Variants in HSPA12A observed in about 807,000 individuals in gnomAD.
HSPA12A encodes the protein heat shock protein family A (Hsp70) member 12A, also known as heat shock 70 kDa protein 12A.
A neutral mutation model predicts 69.2 loss-of-function variants in HSPA12A; 28 were observed. The observed-to-expected ratio is 0.40, with a 90% CI of 0.30 to 0.55. The LOEUF (loss-of-function observed/expected upper bound fraction) is 0.55, where lower values mean the gene tolerates loss of function less well. Among genes scored for constraint, HSPA12A ranks in the 20% least tolerant of loss-of-function variants. The pLI is 0.38. For synonymous variants in HSPA12A, 345 were observed against 370.5 expected (o/e 0.93, Z 0.79); for missense variants, 686 against 900.7 (o/e 0.76, Z 3.05).
chr10:116,822,518 G>A lies in HSPA12A; in HGVS notation c.91+12417C>T, dbSNP rs190468140. Among the ~76,000 whole-genome samples the A allele has an allele frequency of 1.3e-4, 20 of 152,312 alleles. 1 individual carries two copies. The highest frequency in any genetic ancestry group is 8.3e-4 in the South Asian group (4 of 4,824). ...GATTAAGAGACCGGTAGAAATGAGG[G>A]AGATCAAGAGTTTATGAATTCAGTA... On this transcript the variant is annotated intron_variant, in intron 2 of 12. Transcript: ENST00000635765.
At chr10:116,711,459 T>C (rs1029158072) in intron 1 of HSPA12A, among the ~76,000 whole-genome samples, 2 of 152,116 alleles carry the variant, frequency 1.3e-5, no homozygotes, top group African/African-American at 4.8e-5. Context: ...AAGAAAATGC[T>C]CTATCAAGAA....
chr10:116,813,035 C>T (rs1365377359), intron 2 of HSPA12A, among the ~76,000 whole-genome samples: 1 of 152,064 alleles, frequency 6.6e-6, no homozygotes, highest in Non-Finnish European at 1.5e-5. Flanking sequence ...AGTTTCCAGC[C>T]ATCCTGAGAA....
chr10:116,689,940 T>G (rs1282084248), intron 6 of HSPA12A, among the ~76,000 whole-genome samples: 1 of 152,216 alleles, frequency 6.6e-6, no homozygotes, highest in Non-Finnish European at 1.5e-5. Context: ...GGAGGGCCAT[T>G]GCTTTGCTCA....
intron 4 of HSPA12A, among the ~76,000 whole-genome samples, chr10:116,700,020 C>G (rs1850036349): frequency 6.6e-6 from 1 of 152,224 alleles, no homozygotes; most frequent in South Asian, 2.1e-4. Context: ...CTGCACCAGG[C>G]ATGGCTCTAA....
chr10:116,675,241 A>C lies in HSPA12A; in HGVS notation c.1568T>G (p.Leu523Arg), dbSNP rs1333216452. ...GCGCACCTTGATGACCGCGGGGTCC[A>C]GGCCAAAGAGGACGGCACCCTTGAG... Reference protein sequence around the residue: ...TILKGAVLFGLDPAVIKVRRS... With the variant: ...TILKGAVLFGRDPAVIKVRRS... The change falls in exon 12 of 12, where the codon CTG (leucine) becomes CGG (arginine). Residue 523 changes from leucine (L) to arginine (R), a missense_variant. Leu to Arg is a moderately radical substitution (Grantham distance 102). Transcript: ENST00000369209. This position sits in a 1 kb window ranked among gnomAD's most constrained non-coding sequence, Gnocchi z 5.2. 1.2e-6 allele frequency: 2 copies of C among 1,613,710 alleles called. No homozygotes were observed. Among genetic ancestry groups the C allele is most frequent in the Non-Finnish European group, 1.7e-6 (2 of 1,180,028 alleles).
At chr10:116,771,547 G>C (rs1481945055) in intron 2 of HSPA12A, among the ~76,000 whole-genome samples, 1 of 152,226 alleles carries the variant, frequency 6.6e-6, no homozygotes, top group Non-Finnish European at 1.5e-5. Flanking sequence ...CATTTCCAGG[G>C]CCTAGACAGA....
In HSPA12A at chr10:116,675,502, A is replaced by G. The variant is rs2133353005; in HGVS notation, c.1391-84T>C. The G allele has an allele frequency of 7.0e-7, 1 of 1,428,886 alleles. No individual in the cohort carries two copies. The highest frequency in any genetic ancestry group is 2.5e-5 in the East Asian group (1 of 40,126). The allele number at this position is 1,428,886 out of a possible 1,614,324, so 88.5% of individuals were successfully genotyped here. A position where few individuals can be genotyped will look rare whatever the true frequency, so the allele number is the denominator to read the frequency against. On this transcript the variant is annotated intron_variant, in intron 11 of 11. Coordinates refer to ENST00000369209, the MANE Select transcript of HSPA12A (RefSeq NM_025015.3). This position sits in a 1 kb window ranked among gnomAD's most constrained non-coding sequence, Gnocchi z 5.2. Reference sequence around the variant, plus strand: ...ACTGGGCTGCCTGCATCTGTGGGGAACGGATAAAGCCACTTGGGCCACTGG... The same window carrying G: ...ACTGGGCTGCCTGCATCTGTGGGGAGCGGATAAAGCCACTTGGGCCACTGG...
intron 2 of HSPA12A, among the ~76,000 whole-genome samples, chr10:116,812,384 C>A (rs1337850424): frequency 6.6e-6 from 1 of 152,026 alleles, no homozygotes; most frequent in Non-Finnish European, 1.5e-5. Flanking sequence ...ACCCAGGAGG[C>A]AGAGGATGCA....
intron 2 of HSPA12A, among the ~76,000 whole-genome samples, chr10:116,791,927 C>CA (rs1031309727): frequency 6.6e-6 from 1 of 152,034 alleles, no homozygotes; most frequent in Non-Finnish European, 1.5e-5. Context: ...ATTAGCTGGG[C>CA]AAAAAGATGC....
At chr10:116,810,817 G>A (rs907270415) in intron 2 of HSPA12A, among the ~76,000 whole-genome samples, 4 of 152,140 alleles carry the variant, frequency 2.6e-5, no homozygotes, top group South Asian at 2.1e-4. Flanking sequence ...GCTCCTCTCC[G>A]TTGAACAGAT....
chr10:116,794,075 C>A (rs955532194), intron 2 of HSPA12A, among the ~76,000 whole-genome samples: 1 of 151,776 alleles, frequency 6.6e-6, no homozygotes, highest in Non-Finnish European at 1.5e-5. Flanking sequence ...TGGTGGTGGG[C>A]GCCTGTAGTC....
At chr10:116,712,150 G>A (rs947436801) in intron 1 of HSPA12A, among the ~76,000 whole-genome samples, 10 of 152,158 alleles carry the variant, frequency 6.6e-5, no homozygotes, top group Non-Finnish European at 1.2e-4. Context: ...TATTAGCTAC[G>A]TGTTAGATAA....
In HSPA12A at chr10:116,676,582, T is replaced by C. The variant is rs1443720941; in HGVS notation, c.1287-80A>G. On this transcript the variant is annotated intron_variant, in intron 10 of 11. Transcript: ENST00000369209. ...GGCTTATCTGCATAGACACCTGCCC[T>C]GGCAGAACATCTGTCACTTCTTAGC... is the stretch of plus-strand genomic sequence containing the variant. 2.0e-5 allele frequency: 22 copies of C among 1,098,772 alleles called. No individual in the cohort carries two copies. The African/African-American group carries it at 3.4e-4, about 17-fold the overall frequency. The allele number at this position is 1,098,772 out of a possible 1,614,324, so 68.1% of individuals were successfully genotyped here. A position where few individuals can be genotyped will look rare whatever the true frequency, so the allele number is the denominator to read the frequency against.
intron 2 of HSPA12A, among the ~76,000 whole-genome samples, chr10:116,789,972 T>G (rs920701203): frequency 6.6e-6 from 1 of 152,048 alleles, no homozygotes; most frequent in Non-Finnish European, 1.5e-5. Context: ...CAGCAGCCAG[T>G]GAGAGCCTTC....
chr10:116,826,705 G>A (rs1465316059), intron 2 of HSPA12A, among the ~76,000 whole-genome samples: 1 of 152,214 alleles, frequency 6.6e-6, no homozygotes, highest in East Asian at 1.9e-4. Context: ...CCCAGTTAAT[G>A]TGTAGCCTTC....
rs947096570 is a variant in HSPA12A at position 116,792,803 on chromosome 10, AAAAGAAAGAAAAAGAAAG to A, written c.91+42114_91+42131del. Among the ~76,000 whole-genome samples the A allele has an allele frequency of 5.3e-5, 8 of 151,500 alleles. No homozygotes were observed. In the East Asian group the frequency reaches 7.7e-4, roughly 15 times the overall value. The stretch of plus-strand genomic sequence containing the variant: ...AAGACCCTGTCTCAAAAAAGAAAAG[AAAAGAAAGAAAAAGAAAG>A]AAAGAAAGAAAAAGAAAAGAGAAAA... On this transcript the variant is annotated intron_variant, in intron 2 of 12. Transcript: ENST00000635765.
intron 2 of HSPA12A, among the ~76,000 whole-genome samples, chr10:116,807,228 G>A (rs1048735373): frequency 6.6e-6 from 1 of 151,478 alleles, no homozygotes; most frequent in East Asian, 2.0e-4. Flanking sequence ...GGAGGGAGGA[G>A]AGAGGCCAGA....
intron 2 of HSPA12A, among the ~76,000 whole-genome samples, chr10:116,808,348 A>T (rs1472226623): frequency 1.3e-5 from 2 of 152,088 alleles, no homozygotes; most frequent in African/African-American, 4.8e-5. Context: ...CAGAGGATTT[A>T]GGAAGTTTAG....
intron 2 of HSPA12A, among the ~76,000 whole-genome samples, chr10:116,768,644 G>C (rs899608002): frequency 6.6e-6 from 1 of 152,124 alleles, no homozygotes; most frequent in Non-Finnish European, 1.5e-5. Context: ...TTCTTGAGTA[G>C]CTGGGACTAC....
Sources: allele counts gnomAD v4.1 joint callset (sites outside exome capture counted in the v4.1 genomes callset), GRCh38; gene constraint gnomAD v4.1.1; non-coding constraint Gnocchi (gnomAD v3.1); transcripts MANE v1.5; gene names NCBI Gene and HGNC (gene_info 2026-07-23, HGNC 2026-07-21).